The following KBTBD12 variants were observed in gnomAD, a reference collection of about 807,000 sequenced individuals.
The protein encoded by KBTBD12 is kelch repeat and BTB domain containing 12.
Under a neutral mutation model 58.7 loss-of-function variants are expected in KBTBD12, and 53 were observed. The ratio of observed to expected loss-of-function variants is 0.90; its 90% CI spans 0.72 to 1.14. The LOEUF is 1.14. KBTBD12 is among the 50% of genes most tolerant of loss of function. The pLI is 0.00. For missense variants in KBTBD12, 704 were observed against 751.3 expected, an observed-to-expected ratio of 0.94 and a Z score of 0.74; for synonymous variants, 236 against 259.8, an observed-to-expected ratio of 0.91 and a Z score of 0.88.
At chr3:127,927,652 A>G (rs1425500651) in intron 2 of KBTBD12, 112 bp from the exon 3 acceptor site, 4 of 804,610 alleles carry the variant, frequency 5.0e-6, no homozygotes, top group East Asian at 2.7e-5. Context: ...TTGTCCTCCA[A>G]TTGGAAGAAC....
chr3:127,931,803 G>A (rs1019133138), intron 4 of KBTBD12, among the ~76,000 whole-genome samples: 1 of 151,778 alleles, frequency 6.6e-6, no homozygotes, highest in African/African-American at 2.4e-5. Flanking sequence ...GCAATGGGAG[G>A]GGGCAAAAAA....
At chr3:127,968,960 T>C (rs1940636582) in intron 5 of KBTBD12, among the ~76,000 whole-genome samples, 1 of 152,178 alleles carries the variant, frequency 6.6e-6, no homozygotes. Flanking sequence ...AGGGTATTTA[T>C]GAAAAATCTA....
chr3:127,960,033 C>T (rs1940401119), intron 4 of KBTBD12, among the ~76,000 whole-genome samples: 2 of 152,220 alleles, frequency 1.3e-5, no homozygotes, highest in Admixed American at 6.5e-5. Context: ...CAAACCCCCA[C>T]CTCCTGTTCT....
In KBTBD12 at chr3:127,986,397, T is replaced by C. The variant is rs951961052; in HGVS notation, c.*2119T>C. 13 of 152,544 alleles carry C rather than the reference T, an allele frequency of 8.5e-5. No homozygotes were observed. The highest frequency in any genetic ancestry group is 3.1e-4 in the African/African-American group (13 of 41,418). 9.4% of individuals were successfully genotyped at this position (152,544 alleles called of 1,614,324 possible). On this transcript the variant is annotated 3_prime_UTR_variant, in exon 6 of 6. Transcript: ENST00000405109. The stretch of plus-strand genomic sequence containing the variant: ...ATCATCACTGTCATTATCATTGCAG[T>C]CAGCACTTCCCAAAGCAAGGTGCCC...
rs1939613023 is a variant in KBTBD12, at chr3:127,927,871, A to C, written c.1178A>C (p.Gln393Pro). Residue 393 changes from glutamine to proline, a missense_variant, in exon 3 of 6, where the codon CAG becomes CCG. By Grantham distance (76) the Gln-to-Pro change is moderately conservative. Coordinates refer to ENST00000405109, the MANE Select transcript of KBTBD12 (RefSeq NM_207335.4). ...IHNDLYVIGG[Q>P]MKIKNQYLIT... ...AATGACCTTTATGTTATAGGAGGACAGATGAAAATTAAAAACCAGTATCTT... is the reference window on the plus strand; with the variant it reads ...AATGACCTTTATGTTATAGGAGGACCGATGAAAATTAAAAACCAGTATCTT... 1 of 1,613,156 alleles carries C rather than the reference A, an allele frequency of 6.2e-7. No homozygotes were observed.
chr3:127,941,422 C>T (rs1289212051), intron 4 of KBTBD12, among the ~76,000 whole-genome samples: 2 of 152,202 alleles, frequency 1.3e-5, no homozygotes, highest in East Asian at 3.9e-4. Flanking sequence ...AGAAGAAAAG[C>T]CACATAATCA....
At chr3:127,960,010 A>T (rs1469528508) in intron 4 of KBTBD12, among the ~76,000 whole-genome samples, 1 of 152,240 alleles carries the variant, frequency 6.6e-6, no homozygotes, top group East Asian at 1.9e-4. Context: ...TTGGAAGCTT[A>T]TCTGAAGGAT....
intron 2 of KBTBD12, among the ~76,000 whole-genome samples, chr3:127,925,728 C>T (rs1408512936): frequency 6.6e-6 from 1 of 152,188 alleles, no homozygotes; most frequent in Non-Finnish European, 1.5e-5. Context: ...TTACTCCCAT[C>T]ATTTCTTCCA....
intron 5 of KBTBD12, among the ~76,000 whole-genome samples, chr3:127,974,286 T>A (rs1254840824): frequency 6.6e-6 from 1 of 152,204 alleles, no homozygotes; most frequent in Non-Finnish European, 1.5e-5. Context: ...GGCATCTGAA[T>A]CTTTGCTTCT....
chr3:127,916,705 C>CAAA (rs1191368373), intron 1 of KBTBD12, among the ~76,000 whole-genome samples: 18 of 78,098 alleles, frequency 2.3e-4, no homozygotes, highest in African/African-American at 7.0e-4. Flanking sequence ...AAACAAAAAG[C>CAAA]AAAAAAAAAA....
At chr3:127,959,661 T>C (rs920961147) in intron 4 of KBTBD12, among the ~76,000 whole-genome samples, 4 of 152,210 alleles carry the variant, frequency 2.6e-5, no homozygotes, top group African/African-American at 9.7e-5. Context: ...TGCATGAGAA[T>C]AGGTATTAAA....
At position 127,927,845 on chromosome 3, in the gene KBTBD12, T is replaced by C. The variant is rs747207332; in HGVS notation, c.1152T>C (p.His384=). The change falls in exon 3 of 6, where the codon CAT becomes CAC. Residue 384 remains histidine, a synonymous_variant. Coordinates refer to ENST00000405109, the MANE Select transcript of KBTBD12 (RefSeq NM_207335.4). ...FRELYALGSI[H]NDLYVIGGQM... Reference sequence around the variant, plus strand: ...AACTCTATGCTCTGGGCAGTATTCATAATGACCTTTATGTTATAGGAGGAC... The same window carrying C: ...AACTCTATGCTCTGGGCAGTATTCACAATGACCTTTATGTTATAGGAGGAC... 1.2e-6 allele frequency: 2 copies of C among 1,612,558 alleles called. No individual in the cohort carries two copies. Among genetic ancestry groups the C allele is most frequent in the Non-Finnish European group, 1.7e-6 (2 of 1,179,116 alleles).
chr3:127,930,069 A>G, intron 3 of KBTBD12, 64 bp from the exon 4 acceptor site: 1 of 1,420,524 alleles, frequency 7.0e-7, no homozygotes, highest in Non-Finnish European at 9.6e-7. Context: ...GATTAATTGC[A>G]TTCATGTACT....
chr3:127,962,092 T>C (rs1463245237), intron 4 of KBTBD12, among the ~76,000 whole-genome samples: 7 of 152,228 alleles, frequency 4.6e-5, no homozygotes, highest in Admixed American at 4.6e-4. Flanking sequence ...CTGAGGCCAG[T>C]GCTTTACAGG....
At chr3:127,918,099 A>G (rs1408785055) in intron 1 of KBTBD12, among the ~76,000 whole-genome samples, 1 of 152,156 alleles carries the variant, frequency 6.6e-6, no homozygotes, top group Non-Finnish European at 1.5e-5. Flanking sequence ...GTGCAGCTAC[A>G]GGGGAGGCTG....
chr3:127,921,697 C>T (rs971579751), intron 1 of KBTBD12, among the ~76,000 whole-genome samples: 2 of 152,044 alleles, frequency 1.3e-5, no homozygotes, highest in African/African-American at 4.8e-5. Context: ...ACATATAGGC[C>T]AGTTATTTCC....
At chr3:127,957,814 C>T (rs1453725329) in intron 4 of KBTBD12, among the ~76,000 whole-genome samples, 1 of 152,116 alleles carries the variant, frequency 6.6e-6, no homozygotes, top group Non-Finnish European at 1.5e-5. Flanking sequence ...GACTTACAGT[C>T]TCATCTAACA....
intron 5 of KBTBD12, among the ~76,000 whole-genome samples, chr3:127,969,903 A>T (rs1940651853): frequency 1.3e-5 from 2 of 152,162 alleles, no homozygotes; most frequent in African/African-American, 4.8e-5. Context: ...GAATTAGGTG[A>T]TGGTTTCTTA....
At chr3:127,945,480 G>A (rs937718506) in intron 4 of KBTBD12, among the ~76,000 whole-genome samples, 4 of 151,548 alleles carry the variant, frequency 2.6e-5, no homozygotes, top group Middle Eastern at 3.4e-3. Flanking sequence ...CACCGCGCCC[G>A]GCCAAATAGT....
Sources: allele counts gnomAD v4.1 joint callset (sites outside exome capture counted in the v4.1 genomes callset), GRCh38; gene constraint gnomAD v4.1.1; transcripts MANE v1.5; gene names NCBI Gene and HGNC (gene_info 2026-07-23, HGNC 2026-07-21).